The following ULK2 variants were observed in gnomAD, a reference collection of about 807,000 sequenced individuals.
ULK2 encodes unc-51 like autophagy activating kinase 2, also known as serine/threonine-protein kinase ULK2.
A neutral mutation model predicts 127.5 loss-of-function variants in ULK2; 76 were observed. That is an observed-to-expected ratio of 0.60 (90% CI 0.50 to 0.72). The LOEUF (loss-of-function observed/expected upper bound fraction) is 0.72. Ranked by LOEUF, ULK2 falls within the 30% of genes least tolerant of loss-of-function variation. The pLI, the probability that ULK2 is intolerant of heterozygous loss-of-function variation, is 0.00. For synonymous variants in ULK2, 452 were observed against 461.9 expected, an observed-to-expected ratio of 0.98 and a Z score of 0.28; for missense variants, 1,144 against 1,295.9, an observed-to-expected ratio of 0.88 and a Z score of 1.80.
chr17:19,814,438 A>ATATTTTTTTTT (rs1318303261), intron 13 of ULK2, among the ~76,000 whole-genome samples: 1 of 23,336 alleles, frequency 4.3e-5, no homozygotes, highest in African/African-American at 1.9e-4. Flanking sequence ...ATATATATAT[A>ATATTTTTTTTT]TTTTTTTTTT....
At chr17:19,843,851 G>C (rs945407635) in intron 7 of ULK2, among the ~76,000 whole-genome samples, 2 of 151,872 alleles carry the variant, frequency 1.3e-5, no homozygotes, top group African/African-American at 4.8e-5. Context: ...GTAGAGACAA[G>C]GTTTCACCAT....
At chr17:19,783,401 G>A (rs1368714452) in intron 22 of ULK2, among the ~76,000 whole-genome samples, 3 of 151,906 alleles carry the variant, frequency 2.0e-5, no homozygotes, top group African/African-American at 4.8e-5. Context: ...GGAGTGAGCC[G>A]AGATTGCACC....
chr17:19,849,925 C>T (rs1436426729), intron 3 of ULK2, 151 bp from the exon 4 acceptor site: 2 of 550,424 alleles, frequency 3.6e-6, no homozygotes, highest in African/African-American at 2.0e-5. Context: ...AAATTCCCAA[C>T]ACAATGATGT....
intron 3 of ULK2, 46 bp downstream of exon 3, chr17:19,864,757 T>A: frequency 1.1e-6 from 1 of 909,822 alleles, no homozygotes; most frequent in South Asian, 3.5e-5. Context: ...TGTATGAAAT[T>A]AAAAAAAATT....
At chr17:19,849,128 C>T (rs2041959600) in intron 5 of ULK2, among the ~76,000 whole-genome samples, 1 of 152,130 alleles carries the variant, frequency 6.6e-6, no homozygotes, top group Non-Finnish European at 1.5e-5. Context: ...CTCTCAAACA[C>T]TGTCAGAGAG....
rs140064978 is a variant in ULK2, at chr17:19,817,862, T to G, written c.925-942A>C. On this transcript the variant is annotated intron_variant, in intron 12 of 26. Coordinates refer to ENST00000395544, the MANE Select transcript of ULK2 (RefSeq NM_014683.4). ...CATGGTATCGGTCACTGATACCACTTATTTTCATGTGTGTGACATGCACTT... is the reference window on the plus strand; with the variant it reads ...CATGGTATCGGTCACTGATACCACTGATTTTCATGTGTGTGACATGCACTT... Among the ~76,000 whole-genome samples, 5 of 152,332 alleles carry G rather than the reference T, an allele frequency of 3.3e-5. No individual in the cohort carries two copies. In the East Asian group the frequency reaches 9.6e-4, roughly 29 times the overall value.
intron 12 of ULK2, among the ~76,000 whole-genome samples, chr17:19,824,713 C>CA (rs1273156186): frequency 6.6e-6 from 1 of 151,910 alleles, no homozygotes; most frequent in Non-Finnish European, 1.5e-5. Flanking sequence ...ATTCCACATA[C>CA]AAAAAAAATC....
intron 14 of ULK2, among the ~76,000 whole-genome samples, chr17:19,809,105 G>T (rs1217355739): frequency 6.6e-6 from 1 of 152,238 alleles, no homozygotes; most frequent in South Asian, 2.1e-4. Flanking sequence ...AAGGGAAAAA[G>T]CCTGTCACAT....
chr17:19,790,234 T>C (rs1373699400), intron 20 of ULK2, among the ~76,000 whole-genome samples: 2 of 152,062 alleles, frequency 1.3e-5, no homozygotes, highest in African/African-American at 2.4e-5. Context: ...CTGGCCAACA[T>C]GGTGAAACAC....
intron 13 of ULK2, among the ~76,000 whole-genome samples, chr17:19,814,071 C>A (rs2040906184): frequency 6.6e-6 from 1 of 151,936 alleles, no homozygotes; most frequent in African/African-American, 2.4e-5. Flanking sequence ...TTTAAAAATT[C>A]TTATAATATA....
chr17:19,841,064 T>C (rs1377194253), intron 9 of ULK2, among the ~76,000 whole-genome samples: 1 of 151,842 alleles, frequency 6.6e-6, no homozygotes, highest in Non-Finnish European at 1.5e-5. Flanking sequence ...CATCTCAAGA[T>C]ACAAGTTCGA....
chr17:19,852,276 C>G (rs1387122464), intron 3 of ULK2, among the ~76,000 whole-genome samples: 1 of 151,842 alleles, frequency 6.6e-6, no homozygotes, highest in Non-Finnish European at 1.5e-5. Context: ...AATCCCAGCA[C>G]TTTGGGAGGC....
chr17:19,853,717 A>G (rs1597814634), intron 3 of ULK2, among the ~76,000 whole-genome samples: 1 of 151,692 alleles, frequency 6.6e-6, no homozygotes, highest in Non-Finnish European at 1.5e-5. Flanking sequence ...GACTACAGGC[A>G]CCTGCCACCA....
intron 3 of ULK2, among the ~76,000 whole-genome samples, chr17:19,860,127 G>A (rs931434412): frequency 2.0e-4 from 26 of 130,872 alleles, no homozygotes; most frequent in African/African-American, 6.4e-4. Context: ...TAAAAACTAA[G>A]TATAAATGTT....
At position 19,781,063 on chromosome 17, in the gene ULK2, A is replaced by G; in HGVS notation, c.2681T>C (p.Leu894Pro). 2 of 1,614,042 alleles carry G rather than the reference A, an allele frequency of 1.2e-6. No individual in the cohort carries two copies. Among genetic ancestry groups the G allele is most frequent in the Admixed American group, 1.7e-5 (1 of 60,000 alleles). ...GGCAAGATGCAGAGAAGCCGCAAGC[A>G]GCTGTGCTGCTTTCATGTACAACAC... Reference protein sequence around the residue: ...QLVLYMKAAQLLAASLHLAKA... With the variant: ...QLVLYMKAAQPLAASLHLAKA... The change falls in exon 24 of 27, where the codon CTG becomes CCG. Residue 894 changes from leucine to proline, a missense_variant. Transcript: ENST00000395544.
intron 4 of ULK2, among the ~76,000 whole-genome samples, 166 bp from the exon 5 acceptor site, chr17:19,849,571 A>C (rs944984964): frequency 6.6e-6 from 1 of 152,144 alleles, no homozygotes; most frequent in Non-Finnish European, 1.5e-5. Flanking sequence ...CTTGAGTAGA[A>C]TCTAGATCAC....
chr17:19,832,556 G>C (rs554250467), intron 10 of ULK2, among the ~76,000 whole-genome samples: 31 of 152,200 alleles, frequency 2.0e-4, no homozygotes, highest in African/African-American at 7.2e-4. Flanking sequence ...GAGCCACCAT[G>C]CCCAGCTGTG....
At chr17:19,823,748 T>C (rs139927761) in intron 12 of ULK2, among the ~76,000 whole-genome samples, 57 of 152,300 alleles carry the variant, frequency 3.7e-4, no homozygotes, top group African/African-American at 1.0e-3. Flanking sequence ...AGGGCTAGGA[T>C]TGGTGCCAGC....
chr17:19,812,779 A>G (rs1290849784), intron 13 of ULK2, among the ~76,000 whole-genome samples: 1 of 152,236 alleles, frequency 6.6e-6, no homozygotes, highest in Non-Finnish European at 1.5e-5. Context: ...TGTATATCTC[A>G]TAATATCATG....
Sources: allele counts gnomAD v4.1 joint callset (sites outside exome capture counted in the v4.1 genomes callset), GRCh38; gene constraint gnomAD v4.1.1; transcripts MANE v1.5; gene names NCBI Gene and HGNC (gene_info 2026-07-23, HGNC 2026-07-21).